The following EFCAB11 variants were observed in gnomAD, a reference collection of about 807,000 sequenced individuals.
EFCAB11 encodes EF-hand calcium binding domain 11.
EFCAB11 carries 14 observed loss-of-function variants against 23.0 expected under a neutral mutation model. The ratio of observed to expected loss-of-function variants is 0.61; its 90% CI spans 0.40 to 0.95. EFCAB11 has a LOEUF of 0.95. Ranked by LOEUF, EFCAB11 falls within the 40% of genes least tolerant of loss-of-function variation. The probability of loss-of-function intolerance (pLI) is 0.00; values close to 1 mark genes in which losing one functional copy is unlikely to be tolerated. For synonymous variants in EFCAB11, 65 were observed against 66.6 expected, an observed-to-expected ratio of 0.98 and a Z score of 0.11; for missense variants, 198 against 195.8, an observed-to-expected ratio of 1.01 and a Z score of -0.07.
intron 5 of EFCAB11, among the ~76,000 whole-genome samples, chr14:89,930,250 T>C (rs1468380290): frequency 6.6e-6 from 1 of 152,370 alleles, no homozygotes; most frequent in East Asian, 1.9e-4. Context: ...TGATAATGAC[T>C]GCAAATCTTC....
At chr14:89,832,409 G>T (rs1390066299) in intron 5 of EFCAB11, among the ~76,000 whole-genome samples, 2 of 152,124 alleles carry the variant, frequency 1.3e-5, no homozygotes, top group Non-Finnish European at 2.9e-5. Flanking sequence ...ATTTTTAAAT[G>T]TGGATGTCTT....
intron 5 of EFCAB11, among the ~76,000 whole-genome samples, chr14:89,814,985 T>C (rs1048900097): frequency 6.6e-6 from 1 of 152,168 alleles, no homozygotes; most frequent in African/African-American, 2.4e-5. Context: ...GAACAAGACA[T>C]TGGGACTCCC....
intron 5 of EFCAB11, among the ~76,000 whole-genome samples, chr14:89,798,468 T>C (rs895311347): frequency 2.0e-5 from 3 of 152,280 alleles, no homozygotes; most frequent in Non-Finnish European, 4.4e-5. Flanking sequence ...ATCACGTTAC[T>C]AACTACAGAA....
chr14:89,852,660 G>A (rs1405024094), intron 5 of EFCAB11, among the ~76,000 whole-genome samples: 2 of 152,088 alleles, frequency 1.3e-5, no homozygotes, highest in Admixed American at 6.5e-5. Context: ...AAACAATCTC[G>A]ATGTGGACTC....
At chr14:89,860,912 C>T (rs1330452334) in intron 5 of EFCAB11, among the ~76,000 whole-genome samples, 1 of 152,134 alleles carries the variant, frequency 6.6e-6, no homozygotes, top group South Asian at 2.1e-4. Flanking sequence ...TTACAGTCTC[C>T]CCAGTAACAC....
intron 5 of EFCAB11, among the ~76,000 whole-genome samples, chr14:89,911,054 GA>G (rs1333993265): frequency 6.6e-6 from 1 of 152,290 alleles, no homozygotes; most frequent in East Asian, 1.9e-4. Context: ...ACAGACAAAT[GA>G]ATCCAAGACT....
chr14:89,893,952 T>C (rs1396890609), intron 5 of EFCAB11, among the ~76,000 whole-genome samples: 1 of 152,098 alleles, frequency 6.6e-6, no homozygotes. Context: ...AGAAAAAGCA[T>C]ATAGTGAAAT....
intron 5 of EFCAB11, among the ~76,000 whole-genome samples, chr14:89,809,387 T>C (rs936118757): frequency 6.6e-6 from 1 of 152,182 alleles, no homozygotes; most frequent in Non-Finnish European, 1.5e-5. Context: ...GGATTCAAAT[T>C]ACTGGCCCAA....
chr14:89,922,932 G>T (rs1010664179), intron 5 of EFCAB11, among the ~76,000 whole-genome samples: 1 of 152,202 alleles, frequency 6.6e-6, no homozygotes, highest in Non-Finnish European at 1.5e-5. Context: ...TATCTTAACA[G>T]CTGGGCCTTG....
intron 4 of EFCAB11, among the ~76,000 whole-genome samples, chr14:89,932,267 T>C (rs1890415834): frequency 6.6e-6 from 1 of 152,164 alleles, no homozygotes; most frequent in Admixed American, 6.5e-5. Flanking sequence ...CCAGGGCCAG[T>C]CCTTTTGCAG....
intron 5 of EFCAB11, among the ~76,000 whole-genome samples, chr14:89,850,050 T>C (rs988383924): frequency 6.6e-6 from 1 of 152,130 alleles, no homozygotes; most frequent in African/African-American, 2.4e-5. Context: ...TCTTGGCATC[T>C]CTTCTGCCAC....
Position 89,854,710 on chromosome 14 carries a change from C to T in EFCAB11, c.411-57386G>A, listed in dbSNP as rs969654424. On this transcript the variant is annotated intron_variant, in intron 5 of 5. Transcript: ENST00000316738. The stretch of plus-strand genomic sequence containing the variant: ...GCCCCCATAGTGAACCCCACACCTG[C>T]TCCTCCTCCCCTGTCCCCTGCCATA... Among the ~76,000 whole-genome samples the T allele has an allele frequency of 5.9e-5, 9 of 152,272 alleles. No homozygotes were observed. In the East Asian group the frequency reaches 1.4e-3, roughly 23 times the overall value.
intron 5 of EFCAB11, among the ~76,000 whole-genome samples, chr14:89,828,882 A>T (rs1245491662): frequency 6.6e-6 from 1 of 152,218 alleles, no homozygotes; most frequent in Non-Finnish European, 1.5e-5. Context: ...TGCAGCAAAG[A>T]AGGTGGCTCA....
chr14:89,935,094 T>C (rs1243476767), intron 3 of EFCAB11, among the ~76,000 whole-genome samples: 1 of 152,210 alleles, frequency 6.6e-6, no homozygotes, highest in Non-Finnish European at 1.5e-5. Context: ...CATCATCTCC[T>C]GTTTGAATAT....
intron 5 of EFCAB11, 124 bp downstream of exon 5, chr14:89,931,417 C>T (rs1890384936): frequency 1.8e-5 from 16 of 871,868 alleles, no homozygotes; most frequent in Non-Finnish European, 1.8e-6. Context: ...TGACACTATG[C>T]TGCAAGAGAA....
At chr14:89,839,467 A>T (rs1396432441) in intron 5 of EFCAB11, among the ~76,000 whole-genome samples, 4 of 152,134 alleles carry the variant, frequency 2.6e-5, no homozygotes, top group Non-Finnish European at 4.4e-5. Flanking sequence ...TTAGTCTGCC[A>T]CAGCCCAGAT....
At chr14:89,852,796 G>A (rs1887636821) in intron 5 of EFCAB11, among the ~76,000 whole-genome samples, 1 of 152,026 alleles carries the variant, frequency 6.6e-6, no homozygotes, top group South Asian at 2.1e-4. Context: ...TACCACCTTA[G>A]CCATTTTTAA....
intron 5 of EFCAB11, among the ~76,000 whole-genome samples, chr14:89,823,894 G>A (rs925506538): frequency 1.1e-4 from 16 of 152,142 alleles, no homozygotes; most frequent in African/African-American, 3.6e-4. Context: ...AACTAAATCT[G>A]AGAGAAAAAG....
In EFCAB11 at chr14:89,950,090, A is replaced by C; in HGVS notation, c.217+7T>G. 6.5e-7 allele frequency: 1 copy of C among 1,546,714 alleles called. No homozygotes were observed. Among genetic ancestry groups the C allele is most frequent in the Non-Finnish European group, 8.8e-7 (1 of 1,133,738 alleles). On this transcript the variant is annotated splice_region_variant and intron_variant, in intron 3 of 5. Coordinates refer to ENST00000316738, the MANE Select transcript of EFCAB11 (RefSeq NM_145231.4). ...GTACTAAAAATTAATATTAACTTTC[A>C]TATTACCAGAAGTATTTGGATTTAT... is the stretch of plus-strand genomic sequence containing the variant.
Sources: gnomAD v4.1 joint callset for allele counts (sites outside exome capture counted in the v4.1 genomes callset) on GRCh38, gnomAD v4.1.1 for gene constraint, MANE v1.5 for transcripts, NCBI Gene and HGNC (gene_info 2026-07-23, HGNC 2026-07-21) for gene names.